The following UNC13C variants were observed in gnomAD, a reference collection of about 807,000 sequenced individuals.
UNC13C encodes protein unc-13 homolog C.
In UNC13C, 174 loss-of-function variants were observed where a neutral mutation model predicts 245.4. That is an observed-to-expected ratio of 0.71 (90% CI 0.63 to 0.80). The LOEUF is 0.80. UNC13C is among the 30% of genes least tolerant of loss of function. The pLI is 0.00. For synonymous variants in UNC13C, 992 were observed against 895.1 expected (o/e 1.11, Z -1.93); for missense variants, 2,829 against 2,602.9 (o/e 1.09, Z -1.89).
At chr15:54,130,069 T>C (rs2031314416) in intron 2 of UNC13C, among the ~76,000 whole-genome samples, 1 of 136,876 alleles carries the variant, frequency 7.3e-6, no homozygotes, top group Admixed American at 7.5e-5. Flanking sequence ...TTAGTGCATT[T>C]AGTTTTAATT....
chr15:53,856,917 C>A, the UNC13C span, among the ~76,000 whole-genome samples: 1 of 152,112 alleles, frequency 6.6e-6, no homozygotes, highest in Non-Finnish European at 1.5e-5. Context: ...TAGTCTAAAT[C>A]TCTTTGTAAG....
At chr15:54,309,731 C>A (rs1046294909) in intron 13 of UNC13C, among the ~76,000 whole-genome samples, 1 of 151,806 alleles carries the variant, frequency 6.6e-6, no homozygotes, top group Non-Finnish European at 1.5e-5. Context: ...ATGTGGACAT[C>A]CAGTTTTTTC....
chr15:54,403,175 A>G (rs1156552604), intron 18 of UNC13C, among the ~76,000 whole-genome samples: 1 of 152,184 alleles, frequency 6.6e-6, no homozygotes, highest in Non-Finnish European at 1.5e-5. Context: ...CACGTTATTT[A>G]GGCTGTCCCT....
intron 13 of UNC13C, among the ~76,000 whole-genome samples, chr15:54,314,171 G>A (rs1226821945): frequency 6.6e-6 from 1 of 151,514 alleles, no homozygotes; most frequent in Non-Finnish European, 1.5e-5. Flanking sequence ...TGGAGCTATT[G>A]GTCAAGGAAT....
intron 23 of UNC13C, among the ~76,000 whole-genome samples, chr15:54,509,793 C>T (rs532599984): frequency 1.2e-4 from 18 of 152,190 alleles, no homozygotes; most frequent in African/African-American, 3.9e-4. Flanking sequence ...AATCTGTTCC[C>T]AGTAGCAGTT....
intron 4 of UNC13C, among the ~76,000 whole-genome samples, chr15:54,234,017 A>G (rs1013483966): frequency 2.6e-5 from 4 of 152,196 alleles, no homozygotes; most frequent in Admixed American, 6.5e-5. Flanking sequence ...CATTCCAGAG[A>G]AACAAATGTT....
At chr15:53,945,518 C>T in the UNC13C span, among the ~76,000 whole-genome samples, 2 of 152,030 alleles carry the variant, frequency 1.3e-5, no homozygotes, top group East Asian at 1.9e-4. Flanking sequence ...CCCCATTGCT[C>T]ATTTTTGTCA....
At chr15:54,016,726 C>T (rs572930382) in intron 2 of UNC13C, among the ~76,000 whole-genome samples, 3 of 152,318 alleles carry the variant, frequency 2.0e-5, no homozygotes, top group South Asian at 2.1e-4. Flanking sequence ...ACTTCCTCCG[C>T]ACTTATTCCA....
intron 2 of UNC13C, among the ~76,000 whole-genome samples, chr15:54,126,013 C>G (rs1400478726): frequency 6.6e-6 from 1 of 151,668 alleles, no homozygotes; most frequent in African/African-American, 2.4e-5. Context: ...AAGAAATATT[C>G]TAAAAACTAA....
At chr15:53,893,238 A>G in the UNC13C span, among the ~76,000 whole-genome samples, 7 of 152,206 alleles carry the variant, frequency 4.6e-5, no homozygotes, top group Non-Finnish European at 1.0e-4. Flanking sequence ...TTTGTCCCAG[A>G]GGGGCACCTG....
At chr15:54,300,437 G>C (rs374598688) in intron 13 of UNC13C, 64 bp downstream of exon 13, 1 of 1,399,578 alleles carries the variant, frequency 7.1e-7, no homozygotes, top group African/African-American at 1.5e-5. Context: ...AGAAAGGAGC[G>C]TTCATCTCAC....
intron 2 of UNC13C, 135 bp from the exon 3 acceptor site, chr15:54,142,883 C>G: frequency 1.3e-6 from 1 of 753,600 alleles, no homozygotes; most frequent in Non-Finnish European, 2.2e-6. Context: ...CCCTTGGGCT[C>G]AACCTTGAAA....
chr15:53,906,105 G>A, the UNC13C span, among the ~76,000 whole-genome samples: 15 of 152,054 alleles, frequency 9.9e-5, no homozygotes, highest in South Asian at 4.1e-4. Context: ...AGGCCGAGGC[G>A]GAAGGATCCC....
chr15:54,189,251 T>A (rs1037971395), intron 4 of UNC13C, among the ~76,000 whole-genome samples: 12 of 152,198 alleles, frequency 7.9e-5, no homozygotes, highest in Non-Finnish European at 1.6e-4. Context: ...GTCTCCCAGA[T>A]AAATATTCCC....
At chr15:54,512,868 T>C (rs1894812654) in intron 24 of UNC13C, among the ~76,000 whole-genome samples, 1 of 152,198 alleles carries the variant, frequency 6.6e-6, no homozygotes, top group Non-Finnish European at 1.5e-5. Flanking sequence ...CCCAAGGAGA[T>C]GTTTTTACAC....
the UNC13C span, among the ~76,000 whole-genome samples, chr15:53,872,546 C>A: frequency 6.6e-6 from 1 of 152,124 alleles, no homozygotes; most frequent in Admixed American, 6.6e-5. Flanking sequence ...GCCGTTTCAA[C>A]AGTTGTCCCT....
the UNC13C span, among the ~76,000 whole-genome samples, chr15:53,943,950 A>C: frequency 6.6e-6 from 1 of 151,796 alleles, no homozygotes; most frequent in African/African-American, 2.4e-5. Context: ...CTTTCTTTTG[A>C]TTAATGTTTA....
intron 19 of UNC13C, among the ~76,000 whole-genome samples, chr15:54,489,268 G>T (rs1360903485): frequency 6.6e-6 from 1 of 152,184 alleles, no homozygotes. Context: ...AAACAAGGAT[G>T]ACAGGAAGGT....
At chr15:54,048,448 T>A in intron 2 of UNC13C, 1 of 605,700 alleles carries the variant, frequency 1.7e-6, no homozygotes. Flanking sequence ...TTGATCTGGA[T>A]TGCTTGATAA....
Sources: allele counts gnomAD v4.1 joint callset (sites outside exome capture counted in the v4.1 genomes callset), GRCh38; gene constraint gnomAD v4.1.1; transcripts MANE v1.5; gene names NCBI Gene and HGNC (gene_info 2026-07-23, HGNC 2026-07-21).